The following SLC26A7 variants were observed in gnomAD, a reference collection of about 807,000 sequenced individuals.
The protein encoded by SLC26A7 is solute carrier family 26 member 7.
A neutral mutation model predicts 82.5 loss-of-function variants in SLC26A7; 59 were observed. That is an observed-to-expected ratio of 0.72 (90% CI 0.58 to 0.89). The LOEUF (loss-of-function observed/expected upper bound fraction) is 0.89, where lower values mean the gene tolerates loss of function less well. SLC26A7 is among the 40% of genes least tolerant of loss of function. The pLI is 0.00. For synonymous variants in SLC26A7, 271 were observed against 274.3 expected (o/e 0.99, Z 0.12); for missense variants, 820 against 793.0 (o/e 1.03, Z -0.41).
At chr8:91,344,840 A>G (rs753475828) in intron 9 of SLC26A7, among the ~76,000 whole-genome samples, 1 of 152,186 alleles carries the variant, frequency 6.6e-6, no homozygotes, top group Non-Finnish European at 1.5e-5. Flanking sequence ...AATCTTTGTG[A>G]TCTAAATTTG....
At chr8:91,280,759 A>C (rs755398202) in intron 2 of SLC26A7, among the ~76,000 whole-genome samples, 8 of 152,116 alleles carry the variant, frequency 5.3e-5, no homozygotes, top group Non-Finnish European at 8.8e-5. Context: ...CACATGACTA[A>C]TTCAGTACTT....
chr8:91,359,166 C>T (rs1311366745), intron 11 of SLC26A7, among the ~76,000 whole-genome samples: 2 of 152,134 alleles, frequency 1.3e-5, no homozygotes, highest in Non-Finnish European at 2.9e-5. Flanking sequence ...TTAAGTAGGA[C>T]ACTGTCAAAA....
intron 2 of SLC26A7, among the ~76,000 whole-genome samples, chr8:91,264,855 A>C (rs1811066860): frequency 6.6e-6 from 1 of 152,166 alleles, no homozygotes; most frequent in East Asian, 1.9e-4. Flanking sequence ...GGTAGTTATC[A>C]TGTCTATCAC....
intron 9 of SLC26A7, among the ~76,000 whole-genome samples, chr8:91,348,005 G>A (rs533403209): frequency 6.6e-6 from 1 of 152,174 alleles, no homozygotes; most frequent in African/African-American, 2.4e-5. Flanking sequence ...AGATCCGCTG[G>A]TGCTCTGCAG....
intron 4 of SLC26A7, among the ~76,000 whole-genome samples, chr8:91,315,018 C>T: frequency 6.6e-6 from 1 of 152,226 alleles, no homozygotes; most frequent in African/African-American, 2.4e-5. Context: ...GTAGGTGACA[C>T]TTAAGGTTAG....
At chr8:91,326,084 A>C (rs1216253294) in intron 5 of SLC26A7, among the ~76,000 whole-genome samples, 1 of 152,172 alleles carries the variant, frequency 6.6e-6, no homozygotes, top group Non-Finnish European at 1.5e-5. Context: ...TCAGTTGGCC[A>C]TCTCTCTTAA....
At chr8:91,258,322 A>G (rs138142798) in intron 2 of SLC26A7, among the ~76,000 whole-genome samples, 9 of 152,204 alleles carry the variant, frequency 5.9e-5, no homozygotes, top group Non-Finnish European at 1.0e-4. Flanking sequence ...TCCCAGGGAC[A>G]AATTTTATAA....
chr8:91,370,689 T>C (rs1262306451), intron 15 of SLC26A7, among the ~76,000 whole-genome samples: 2 of 152,022 alleles, frequency 1.3e-5, no homozygotes, highest in Non-Finnish European at 2.9e-5. Flanking sequence ...AATTAAAAGA[T>C]ATACAAGAAA....
chr8:91,277,354 C>T (rs1341527343), intron 2 of SLC26A7, among the ~76,000 whole-genome samples: 1 of 152,146 alleles, frequency 6.6e-6, no homozygotes, highest in Non-Finnish European at 1.5e-5. Context: ...CATTATCTGC[C>T]CTGTTCAATA....
intron 2 of SLC26A7, among the ~76,000 whole-genome samples, chr8:91,251,373 C>T (rs1468300536): frequency 6.6e-6 from 1 of 152,086 alleles, no homozygotes; most frequent in Admixed American, 6.6e-5. Flanking sequence ...ACAACACATA[C>T]TCAGCCCTTG....
intron 4 of SLC26A7, among the ~76,000 whole-genome samples, chr8:91,309,466 G>A (rs1015747053): frequency 6.6e-6 from 1 of 151,266 alleles, no homozygotes; most frequent in African/African-American, 2.4e-5. Context: ...CCATCCATTT[G>A]TTTAAGTTAG....
chr8:91,391,699 G>T (rs1214550593), intron 16 of SLC26A7, among the ~76,000 whole-genome samples: 3 of 152,124 alleles, frequency 2.0e-5, no homozygotes, highest in African/African-American at 7.2e-5. Flanking sequence ...CATTGAAAAT[G>T]CAGTCTTCTG....
At chr8:91,346,910 G>T (rs141999256) in intron 9 of SLC26A7, among the ~76,000 whole-genome samples, 1 of 151,900 alleles carries the variant, frequency 6.6e-6, no homozygotes, top group Non-Finnish European at 1.5e-5. Context: ...CCCATCCTTC[G>T]TATCTCACTG....
At chr8:91,279,153 A>G (rs999728532) in intron 2 of SLC26A7, among the ~76,000 whole-genome samples, 10 of 110,836 alleles carry the variant, frequency 9.0e-5, no homozygotes, top group Admixed American at 2.6e-4. Context: ...ATATATATAT[A>G]TATATATATA....
chr8:91,367,146 C>T (rs1390943730), intron 14 of SLC26A7, among the ~76,000 whole-genome samples: 1 of 151,860 alleles, frequency 6.6e-6, no homozygotes, highest in East Asian at 1.9e-4. Flanking sequence ...TAGCTGGGAC[C>T]ACAGGTACCC....
chr8:91,232,795 C>T (rs1810326751), intron 2 of SLC26A7, among the ~76,000 whole-genome samples: 1 of 152,154 alleles, frequency 6.6e-6, no homozygotes, highest in Admixed American at 6.5e-5. Flanking sequence ...TGTAATACAC[C>T]TCTATGAAGC....
Position 91,249,708 on chromosome 8 carries a change from C to A in SLC26A7, c.57C>A (p.Pro19=), listed in dbSNP as rs139432618. ...TGCTTTGGAGCAAGATGCATACCCC[C>A]CAGTGTGAAGACATTATACAGTGGT... ...KSMLWSKMHT[P]QCEDIIQWCR... is the part of the protein sequence containing the mutation. The change falls in exon 2 of 19, where the codon CCC becomes CCA. Residue 19 remains proline, a synonymous_variant. Coordinates refer to ENST00000276609, the MANE Select transcript of SLC26A7 (RefSeq NM_052832.4). 13 of 1,596,902 alleles carry A rather than the reference C, an allele frequency of 8.1e-6. No homozygotes were observed. Among genetic ancestry groups the A allele is most frequent in the Non-Finnish European group, 1.1e-5 (13 of 1,172,242 alleles).
chr8:91,355,379 C>T (rs1336310211), intron 11 of SLC26A7, among the ~76,000 whole-genome samples: 12 of 151,804 alleles, frequency 7.9e-5, no homozygotes, highest in Admixed American at 3.9e-4. Context: ...AATCTGTGTT[C>T]TGCTCTCTTC....
chr8:91,221,039 C>T (rs1168631435), intron 2 of SLC26A7, among the ~76,000 whole-genome samples: 1 of 152,124 alleles, frequency 6.6e-6, no homozygotes, highest in Non-Finnish European at 1.5e-5. Context: ...TCTATTGTTC[C>T]CTGACTTTTT....
Sources: allele counts gnomAD v4.1 joint callset (sites outside exome capture counted in the v4.1 genomes callset), GRCh38; gene constraint gnomAD v4.1.1; transcripts MANE v1.5; gene names NCBI Gene and HGNC (gene_info 2026-07-23, HGNC 2026-07-21).